HS3ST3A1: variants seen among roughly 807,000 people sequenced by gnomAD.
HS3ST3A1 encodes heparan sulfate-glucosamine 3-sulfotransferase 3A1.
A neutral mutation model predicts 25.7 loss-of-function variants in HS3ST3A1; 19 were observed. That is an observed-to-expected ratio of 0.74 (90% CI 0.52 to 1.08). The LOEUF (loss-of-function observed/expected upper bound fraction) is 1.08, where lower values mean the gene tolerates loss of function less well. Ranked by LOEUF, HS3ST3A1 falls within the 50% of genes least tolerant of loss-of-function variation. The pLI is 0.00. For missense variants in HS3ST3A1, 459 were observed against 594.3 expected, an observed-to-expected ratio of 0.77 and a Z score of 2.37; for synonymous variants, 226 against 278.6, an observed-to-expected ratio of 0.81 and a Z score of 1.88.
At chr17:13,519,126 T>C (rs1028675611) in intron 1 of HS3ST3A1, among the ~76,000 whole-genome samples, 7 of 152,238 alleles carry the variant, frequency 4.6e-5, no homozygotes, top group African/African-American at 1.4e-4. Context: ...ACTGAAAGTA[T>C]TGATGTACCC....
intron 1 of HS3ST3A1, among the ~76,000 whole-genome samples, chr17:13,569,454 T>C (rs1384001226): frequency 6.6e-6 from 1 of 152,214 alleles, no homozygotes; most frequent in Non-Finnish European, 1.5e-5. Flanking sequence ...GAACAGAGGC[T>C]AGGCATCCAA....
chr17:13,578,560 C>T (rs1955760394), intron 1 of HS3ST3A1, among the ~76,000 whole-genome samples: 1 of 108,442 alleles, frequency 9.2e-6, no homozygotes, highest in South Asian at 4.1e-4. Flanking sequence ...CAGACTCCAT[C>T]TCAAAAAAAA....
At chr17:13,582,824 C>T (rs1237656721) in intron 1 of HS3ST3A1, among the ~76,000 whole-genome samples, 3 of 152,158 alleles carry the variant, frequency 2.0e-5, no homozygotes, top group African/African-American at 7.2e-5. Context: ...TTAGATAATG[C>T]TGTAATACAG....
chr17:13,508,997 T>G (rs940587667), intron 1 of HS3ST3A1, among the ~76,000 whole-genome samples: 1 of 152,004 alleles, frequency 6.6e-6, no homozygotes, highest in Non-Finnish European at 1.5e-5. Flanking sequence ...GTGCCAATCT[T>G]GCCTCACCCT....
chr17:13,584,441 A>AAGAG (rs1208390582), intron 1 of HS3ST3A1, among the ~76,000 whole-genome samples: 1 of 147,500 alleles, frequency 6.8e-6, no homozygotes, highest in Non-Finnish European at 1.5e-5. Context: ...AAAAAGAAGA[A>AAGAG]AGAGAGAGAG....
intron 1 of HS3ST3A1, among the ~76,000 whole-genome samples, chr17:13,501,038 ATATGATATATCTGGGG>A (rs1192036078): frequency 6.6e-6 from 1 of 152,254 alleles, no homozygotes; most frequent in African/African-American, 2.4e-5. Context: ...GAGTTCACTT[ATATGATATATCTGGGG>A]TACTCAAATT....
intron 1 of HS3ST3A1, among the ~76,000 whole-genome samples, chr17:13,522,989 T>G (rs964885138): frequency 2.6e-5 from 4 of 151,540 alleles, no homozygotes; most frequent in African/African-American, 9.7e-5. Flanking sequence ...AACAGACAGC[T>G]AGGGTGAGTG....
chr17:13,521,132 A>C (rs1048383155), intron 1 of HS3ST3A1, among the ~76,000 whole-genome samples: 1 of 152,144 alleles, frequency 6.6e-6, no homozygotes, highest in Admixed American at 6.5e-5. Flanking sequence ...TCTGAGTTTG[A>C]GTCACCATTT....
At chr17:13,599,951 GT>G (rs1908674686) in intron 1 of HS3ST3A1, among the ~76,000 whole-genome samples, 2 of 152,330 alleles carry the variant, frequency 1.3e-5, no homozygotes, top group Admixed American at 6.5e-5. Context: ...TTAAAATACA[GT>G]GCCTGGTTGC....
At chr17:13,582,445 A>G (rs571430805) in intron 1 of HS3ST3A1, among the ~76,000 whole-genome samples, 1 of 152,366 alleles carries the variant, frequency 6.6e-6, no homozygotes, top group South Asian at 2.1e-4. Context: ...CTGTGCTAGT[A>G]TACTATGATA....
chr17:13,552,688 A>C (rs1481625719), intron 1 of HS3ST3A1, among the ~76,000 whole-genome samples: 1 of 152,180 alleles, frequency 6.6e-6, no homozygotes, highest in East Asian at 1.9e-4. Flanking sequence ...AAAATGATTA[A>C]CTGTTTTAGG....
chr17:13,537,408 T>G (rs965907138), intron 1 of HS3ST3A1, among the ~76,000 whole-genome samples: 5 of 152,142 alleles, frequency 3.3e-5, no homozygotes, highest in Non-Finnish European at 4.4e-5. Flanking sequence ...CTGCAATCCT[T>G]CCTTTCTCAG....
intron 1 of HS3ST3A1, among the ~76,000 whole-genome samples, chr17:13,592,821 T>C (rs1349383910): frequency 3.9e-5 from 6 of 152,160 alleles, no homozygotes; most frequent in African/African-American, 1.4e-4. Context: ...TAACTGTGTA[T>C]TTAAAAACAG....
rs569475137 is a variant in HS3ST3A1 at position 13,592,333 on chromosome 17, A to G, written c.599+8198T>C. On this transcript the variant is annotated intron_variant, in intron 1 of 1. Coordinates refer to ENST00000284110, the MANE Select transcript of HS3ST3A1 (RefSeq NM_006042.3). Reference sequence around the variant, plus strand: ...TATTAATAACATCAGACTACAAGCAACAGATCATTCCGCATCATCCAGCAC... The same window carrying G: ...TATTAATAACATCAGACTACAAGCAGCAGATCATTCCGCATCATCCAGCAC... 2.0e-5 allele frequency among the ~76,000 whole-genome samples: 3 copies of G among 152,376 alleles called. No individual in the cohort carries two copies. The South Asian group carries it at 6.2e-4, about 32-fold the overall frequency.
At position 13,546,845 on chromosome 17, in the gene HS3ST3A1, T is replaced by C. The variant is rs188799886; in HGVS notation, c.600-50027A>G. Among the ~76,000 whole-genome samples, 420 of 152,328 alleles carry C rather than the reference T, an allele frequency of 2.8e-3. 4 individuals carry two copies. Among genetic ancestry groups the C allele is most frequent in the Non-Finnish European group, 4.1e-3 (278 of 68,030 alleles). Reference sequence around the variant, plus strand: ...TGAATAAATGAAAATACTTGTGTCATGATAAAAGGGATTCTGGAGACAAGT... The same window carrying C: ...TGAATAAATGAAAATACTTGTGTCACGATAAAAGGGATTCTGGAGACAAGT... On this transcript the variant is annotated intron_variant, in intron 1 of 1. Coordinates refer to ENST00000284110, the MANE Select transcript of HS3ST3A1 (RefSeq NM_006042.3).
intron 1 of HS3ST3A1, among the ~76,000 whole-genome samples, chr17:13,501,739 A>G (rs1905483496): frequency 6.6e-6 from 1 of 152,222 alleles, no homozygotes; most frequent in Non-Finnish European, 1.5e-5. Flanking sequence ...GAATACATGG[A>G]AGCACTCTTC....
chr17:13,510,846 A>G (rs1330927462), intron 1 of HS3ST3A1, among the ~76,000 whole-genome samples: 1 of 152,172 alleles, frequency 6.6e-6, no homozygotes, highest in Non-Finnish European at 1.5e-5. Flanking sequence ...CTGGGATTAC[A>G]GGCACCCACC....
At chr17:13,508,621 T>G in intron 1 of HS3ST3A1, among the ~76,000 whole-genome samples, 1 of 152,242 alleles carries the variant, frequency 6.6e-6, no homozygotes, top group Admixed American at 6.5e-5. Flanking sequence ...AGGGAACTCA[T>G]GTATTCATAA....
chr17:13,503,173 C>CAAAAAAAAAAAAAAAAAAAAAAAAAAAAA (rs144678351), intron 1 of HS3ST3A1, among the ~76,000 whole-genome samples: 1 of 86,870 alleles, frequency 1.2e-5, no homozygotes, highest in Admixed American at 1.3e-4. Flanking sequence ...GACTCCATCT[C>CAAAAAAAAAAAAAAAAAAAAAAAAAAAAA]AAAAAAAAAA....
Sources: gnomAD v4.1 joint callset for allele counts (sites outside exome capture counted in the v4.1 genomes callset) on GRCh38, gnomAD v4.1.1 for gene constraint, MANE v1.5 for transcripts, NCBI Gene and HGNC (gene_info 2026-07-23, HGNC 2026-07-21) for gene names.